Variants in NLRP5 observed in about 807,000 individuals in gnomAD.
The protein encoded by NLRP5 is NLR family pyrin domain containing 5.
In NLRP5, 93 loss-of-function variants were observed where a neutral mutation model predicts 113.1. That is an observed-to-expected ratio of 0.82 (90% CI 0.70 to 0.98). The LOEUF is 0.98. Ranked by LOEUF, NLRP5 falls within the 50% of genes least tolerant of loss-of-function variation. NLRP5 has a pLI of 0.00. For missense variants in NLRP5, 1,808 were observed against 1,514.3 expected, an observed-to-expected ratio of 1.19 and a Z score of -3.22; for synonymous variants, 751 against 600.7, an observed-to-expected ratio of 1.25 and a Z score of -3.66.
At chr19:56,017,823 T>C (rs1982466245) in intron 4 of NLRP5, among the ~76,000 whole-genome samples, 1 of 152,204 alleles carries the variant, frequency 6.6e-6, no homozygotes, top group Non-Finnish European at 1.5e-5. Flanking sequence ...GCTTAGTCGT[T>C]TTTTGCTCGT....
At chr19:56,042,031 A>G (rs527927505) in intron 11 of NLRP5, among the ~76,000 whole-genome samples, 1 of 152,298 alleles carries the variant, frequency 6.6e-6, no homozygotes, top group South Asian at 2.1e-4. Flanking sequence ...CAAAAAGGAC[A>G]TTGTTGACAG....
chr19:56,000,183 C>A (rs565652706), intron 1 of NLRP5, among the ~76,000 whole-genome samples: 1 of 151,966 alleles, frequency 6.6e-6, no homozygotes, highest in Non-Finnish European at 1.5e-5. Flanking sequence ...GCCACCTCTC[C>A]GCTCTTCTCA....
At chr19:55,987,790 C>T in the NLRP5 span, 1 of 1,561,540 alleles carries the variant, frequency 6.4e-7, no homozygotes, top group South Asian at 1.1e-5. Flanking sequence ...CCTCAACCAG[C>T]AGCCTTCCTT....
chr19:56,041,086 G>A lies in NLRP5; in HGVS notation c.2951G>A (p.Arg984Lys). 1 of 1,613,826 alleles carries A rather than the reference G, an allele frequency of 6.2e-7. No individual in the cohort carries two copies. Among genetic ancestry groups the A allele is most frequent in the East Asian group, 2.2e-5 (1 of 44,880 alleles). Residue 984 changes from arginine (R) to lysine (K), a missense_variant, in exon 11 of 15, where the codon AGG (arginine) becomes AAG (lysine). Physicochemically the swap from Arg to Lys is conservative, Grantham distance 26. Transcript: ENST00000390649. ...AGGCTTCCCCACTGTAGTCTGCAGA[G>A]GCTGATGTGAGTCTGGCTTGCTCCC... is the stretch of plus-strand genomic sequence containing the variant.
intron 9 of NLRP5, among the ~76,000 whole-genome samples, chr19:56,036,058 CTT>C (rs34956178): frequency 0.012 from 887 of 76,952 alleles, 7 homozygotes; most frequent in African/African-American, 0.047. Flanking sequence ...AATTGAGATT[CTT>C]TTTTTTTTTT....
At chr19:56,015,681 C>A in intron 3 of NLRP5, 61 bp from the exon 4 acceptor site, 1 of 1,381,954 alleles carries the variant, frequency 7.2e-7, no homozygotes, top group South Asian at 1.5e-5. Flanking sequence ...TGTCCAACAT[C>A]TCTGATTTGA....
chr19:56,028,604 C>A, intron 7 of NLRP5, 95 bp downstream of exon 7: 1 of 1,218,160 alleles, frequency 8.2e-7, no homozygotes, highest in Non-Finnish European at 1.2e-6. Flanking sequence ...TTCAAGGTCC[C>A]AGAGAATTCT....
chr19:56,038,456 C>T lies in NLRP5; in HGVS notation c.2786+261C>T, dbSNP rs539248798. Among the ~76,000 whole-genome samples the T allele has an allele frequency of 9.2e-5, 14 of 152,292 alleles. 1 individual carries two copies. Among genetic ancestry groups the T allele is most frequent in the African/African-American group, 3.4e-4 (14 of 41,566 alleles). On this transcript the variant is annotated intron_variant, in intron 10 of 14. Coordinates refer to ENST00000390649, the MANE Select transcript of NLRP5 (RefSeq NM_153447.4). ...GGTGGAAATTGCATAATGACCTTCC[C>T]TCCTGATAAAGCTCTCCTGGGCGTG...
At chr19:56,010,755 A>AAAAAAAT (rs78321861) in intron 3 of NLRP5, among the ~76,000 whole-genome samples, 4,134 of 125,972 alleles carry the variant, frequency 0.033, 334 homozygotes, top group African/African-American at 0.043. Context: ...AAAAAAAAAA[A>AAAAAAAT]GTCCCTTGAA....
intron 11 of NLRP5, among the ~76,000 whole-genome samples, chr19:56,043,542 CTTTTTTTTTTTTTTTTTTTTTTTTT>C (rs369622191): frequency 1.0e-3 from 93 of 92,960 alleles, no homozygotes; most frequent in Admixed American, 1.5e-3. Flanking sequence ...CTCTGCTATT[CTTTTTTTTTTTTTTTTTTTTTTTTT>C]TTTTTTTTTT....
the NLRP5 span, among the ~76,000 whole-genome samples, chr19:55,989,157 T>G: frequency 6.6e-6 from 1 of 152,210 alleles, no homozygotes; most frequent in African/African-American, 2.4e-5. Context: ...GATGGGTAAT[T>G]GTAAGAATAC....
At chr19:56,013,596 G>GTTGTTTT in intron 3 of NLRP5, among the ~76,000 whole-genome samples, 1 of 59,288 alleles carries the variant, frequency 1.7e-5, no homozygotes, top group South Asian at 6.1e-4. Flanking sequence ...GGACATTTGG[G>GTTGTTTT]TTTTTTTTTT....
chr19:56,017,058 C>T (rs957446581), intron 4 of NLRP5, among the ~76,000 whole-genome samples: 8 of 152,158 alleles, frequency 5.3e-5, no homozygotes, highest in Admixed American at 3.9e-4. Flanking sequence ...CCGCCCGCCT[C>T]GGCCTCCCAA....
upstream of NLRP5, among the ~76,000 whole-genome samples, chr19:55,997,764 G>A (rs1344970786): frequency 2.0e-5 from 3 of 152,106 alleles, no homozygotes; most frequent in African/African-American, 7.2e-5. Flanking sequence ...TTGGGAGGTT[G>A]AGGCAGGAGG....
At chr19:56,045,551 T>C (rs1465246858) in intron 11 of NLRP5, among the ~76,000 whole-genome samples, 1 of 152,062 alleles carries the variant, frequency 6.6e-6, no homozygotes, top group African/African-American at 2.4e-5. Flanking sequence ...CGTAATGCTA[T>C]CCCTCCTCCG....
intron 14 of NLRP5, among the ~76,000 whole-genome samples, chr19:56,061,014 A>G (rs28537326): frequency 0.033 from 4,754 of 145,054 alleles, 242 homozygotes; most frequent in African/African-American, 0.11. Flanking sequence ...CTGGGCATGC[A>G]TAATTATCTA....
At chr19:56,020,934 C>G (rs1482194205) in intron 6 of NLRP5, among the ~76,000 whole-genome samples, 2 of 146,924 alleles carry the variant, frequency 1.4e-5, no homozygotes, top group Admixed American at 1.4e-4. Context: ...AGTGCAGTGG[C>G]GGTATCTCGG....
rs553698791 is a variant in NLRP5 at position 56,053,105 on chromosome 19, T to TA, written c.3129-527dup. Among the ~76,000 whole-genome samples the TA allele has an allele frequency of 2.2e-3, 308 of 141,812 alleles. 2 individuals are homozygous for TA. The highest frequency in any genetic ancestry group is 7.7e-3 in the African/African-American group (292 of 37,822). 93.0% of individuals were successfully genotyped at this position (141,812 alleles called of 152,430 possible). ...GAGTGAGACTTTGTCTTGAAAAAAATAAAAAATAGGCTGGGCGTAGTGGCT... is the reference window on the plus strand; with the variant it reads ...GAGTGAGACTTTGTCTTGAAAAAAATAAAAAAATAGGCTGGGCGTAGTGGCT... On this transcript the variant is annotated intron_variant, in intron 12 of 14. Transcript: ENST00000390649.
In NLRP5 at chr19:56,053,768, G is replaced by C. The variant is rs762535392; in HGVS notation, c.3259G>C (p.Glu1087Gln). 6 of 1,613,924 alleles carry C rather than the reference G, an allele frequency of 3.7e-6. No homozygotes were observed. In the Admixed American group the frequency reaches 1.0e-4, roughly 27 times the overall value. ...TGACGGTGGGGTTGCTGCGCTGTGC[G>C]AGGGACTGAAGCAAAAGAACAGTGT... The change falls in exon 13 of 15, where the codon GAG becomes CAG. Residue 1087 changes from glutamate to glutamine, a missense_variant. Coordinates refer to ENST00000390649, the MANE Select transcript of NLRP5 (RefSeq NM_153447.4).
Sources: gnomAD v4.1 joint callset for allele counts (sites outside exome capture counted in the v4.1 genomes callset) on GRCh38, gnomAD v4.1.1 for gene constraint, MANE v1.5 for transcripts, NCBI Gene and HGNC (gene_info 2026-07-23, HGNC 2026-07-21) for gene names.